The following IFT52 variants were observed in gnomAD, a reference collection of about 807,000 sequenced individuals.
The protein encoded by IFT52 is intraflagellar transport protein 52 homolog.
In IFT52, 44 loss-of-function variants were observed where a neutral mutation model predicts 54.4. The observed-to-expected ratio is 0.81, with a 90% CI of 0.63 to 1.04. The LOEUF (loss-of-function observed/expected upper bound fraction) is 1.04. Among genes scored for constraint, IFT52 ranks in the 50% least tolerant of loss-of-function variants. IFT52 has a pLI of 0.00. For missense variants in IFT52, 452 were observed against 523.6 expected (o/e 0.86, Z 1.33); for synonymous variants, 181 against 185.3 (o/e 0.98, Z 0.19).
intron 6 of IFT52, 35 bp downstream of exon 6, chr20:43,605,108 G>C (rs755681736): frequency 1.2e-6 from 2 of 1,607,038 alleles, no homozygotes; most frequent in Non-Finnish European, 1.7e-6. Flanking sequence ...TGAGGAAGAT[G>C]TATCATTTTG....
intron 10 of IFT52, among the ~76,000 whole-genome samples, chr20:43,627,715 G>C (rs1369809262): frequency 3.3e-5 from 5 of 152,052 alleles, no homozygotes; most frequent in Admixed American, 3.3e-4. Flanking sequence ...ATGGGAAAGG[G>C]GGTTTGGTAA....
intron 10 of IFT52, among the ~76,000 whole-genome samples, chr20:43,630,283 CCT>C (rs1042727784): frequency 5.3e-5 from 8 of 152,278 alleles, no homozygotes; most frequent in African/African-American, 1.9e-4. Context: ...CTAATTCTCC[CCT>C]GATATGTTTA....
chr20:43,623,830 G>A, intron 9 of IFT52, 61 bp from the exon 10 acceptor site: 1 of 1,546,362 alleles, frequency 6.5e-7, no homozygotes, highest in Non-Finnish European at 8.8e-7. Flanking sequence ...AGACAGTGGA[G>A]ACTTGACAGA....
intron 4 of IFT52, 59 bp from the exon 5 acceptor site, chr20:43,604,124 C>G (rs988566439): frequency 1.4e-6 from 2 of 1,385,134 alleles, no homozygotes; most frequent in African/African-American, 1.4e-5. Flanking sequence ...TGGTATGAGT[C>G]TATAATATCG....
intron 12 of IFT52, among the ~76,000 whole-genome samples, chr20:43,641,382 G>A (rs1016468854): frequency 1.3e-5 from 2 of 151,826 alleles, no homozygotes; most frequent in Non-Finnish European, 2.9e-5. Context: ...GGGATTATAG[G>A]CATGCACCAC....
rs139022002 is a variant in IFT52, at chr20:43,625,801, A to AGAG, written c.923+1760_923+1762dup. ...TCCTTGGCTTTCACTCTGGGTGAAA[A>AGAG]GAGGAGCCACTGAGAGTTCTGAGCA... On this transcript the variant is annotated intron_variant, in intron 10 of 13. Coordinates refer to ENST00000373030, the MANE Select transcript of IFT52 (RefSeq NM_016004.5). 3.5e-3 allele frequency among the ~76,000 whole-genome samples: 529 copies of AGAG among 152,126 alleles called. 18 individuals are homozygous for AGAG. The East Asian group carries it at 0.078, about 22-fold the overall frequency.
chr20:43,643,024 G>A (rs537605426), intron 13 of IFT52, among the ~76,000 whole-genome samples: 35 of 151,786 alleles, frequency 2.3e-4, no homozygotes, highest in Non-Finnish European at 3.4e-4. Flanking sequence ...AAAATTAGCC[G>A]GGCATCATGG....
intron 6 of IFT52, among the ~76,000 whole-genome samples, chr20:43,610,964 A>C (rs1015848983): frequency 5.9e-5 from 9 of 152,206 alleles, no homozygotes; most frequent in African/African-American, 2.2e-4. Flanking sequence ...AAATTGTTGG[A>C]AAATTTCAGT....
chr20:43,635,706 G>A (rs989157113), intron 10 of IFT52, among the ~76,000 whole-genome samples: 5 of 152,160 alleles, frequency 3.3e-5, no homozygotes, highest in African/African-American at 1.2e-4. Flanking sequence ...TTGCTATTGT[G>A]AATAGTGCTG....
At chr20:43,592,886 G>A (rs1284133787) in intron 1 of IFT52, among the ~76,000 whole-genome samples, 1 of 152,178 alleles carries the variant, frequency 6.6e-6, no homozygotes, top group Non-Finnish European at 1.5e-5. Context: ...GAGGTAGGAG[G>A]ATCACTTGAG....
At chr20:43,619,125 A>G (rs924439435) in intron 8 of IFT52, 99 bp downstream of exon 8, 2 of 823,790 alleles carry the variant, frequency 2.4e-6, no homozygotes, top group African/African-American at 3.4e-5. Context: ...AAAAGCAGCT[A>G]CTCAGAACCC....
intron 3 of IFT52, 32 bp from the exon 4 acceptor site, chr20:43,603,728 A>G (rs1481842393): frequency 1.9e-6 from 3 of 1,600,526 alleles, no homozygotes; most frequent in Middle Eastern, 1.7e-4. Context: ...TCTTTCAAGT[A>G]TATTCATAGA....
At chr20:43,605,596 G>T (rs914668808) in intron 6 of IFT52, among the ~76,000 whole-genome samples, 4 of 151,524 alleles carry the variant, frequency 2.6e-5, no homozygotes, top group African/African-American at 9.7e-5. Context: ...TTTTTTCCAT[G>T]TATAAAGTTA....
chr20:43,596,399 T>C, intron 2 of IFT52, 36 bp from the exon 3 acceptor site: 1 of 1,339,784 alleles, frequency 7.5e-7, no homozygotes, highest in Non-Finnish European at 1.1e-6. Context: ...GTTTAAATTA[T>C]GGACTTCATA....
At position 43,604,163 on chromosome 20, in the gene IFT52, C is replaced by G. The variant is rs1215436525; in HGVS notation, c.338-20C>G. The G allele has an allele frequency of 3.2e-6, 5 of 1,566,008 alleles. No individual in the cohort carries two copies. In the South Asian group the frequency reaches 4.4e-5, roughly 14 times the overall value. ...TTATTTCTAACCTAAAATATACCTCCTTCTCTTTTTCCCTCATAGATGCTG... is the reference window on the plus strand; with the variant it reads ...TTATTTCTAACCTAAAATATACCTCGTTCTCTTTTTCCCTCATAGATGCTG... On this transcript the variant is annotated intron_variant, in intron 4 of 13. Coordinates refer to ENST00000373030, the MANE Select transcript of IFT52 (RefSeq NM_016004.5).
intron 6 of IFT52, among the ~76,000 whole-genome samples, chr20:43,612,319 C>T (rs1983518669): frequency 6.6e-6 from 1 of 152,004 alleles, no homozygotes; most frequent in South Asian, 2.1e-4. Flanking sequence ...GAATGTGGGC[C>T]AAGTACCACT....
chr20:43,607,161 C>G (rs554439986), intron 6 of IFT52, among the ~76,000 whole-genome samples: 1 of 150,164 alleles, frequency 6.7e-6, no homozygotes, highest in Non-Finnish European at 1.5e-5. Context: ...TAGGGGCAGC[C>G]GGGCAGAGGC....
At position 43,606,823 on chromosome 20, in the gene IFT52, C is replaced by CA. The variant is rs200538917; in HGVS notation, c.485+1753dup. 1.4e-4 allele frequency among the ~76,000 whole-genome samples: 21 copies of CA among 152,282 alleles called. No individual in the cohort carries two copies. The East Asian group carries it at 3.7e-3, about 27-fold the overall frequency. ...ATGCTGCCTTCAGGCATCTGTTTGA[C>CA]AAAGCACATCTTGCACCGCCCTTAA... On this transcript the variant is annotated intron_variant, in intron 6 of 13. Transcript: ENST00000373030.
At chr20:43,609,775 CAAAAAAA>C (rs57268776) in intron 6 of IFT52, among the ~76,000 whole-genome samples, 11 of 47,190 alleles carry the variant, frequency 2.3e-4, no homozygotes, top group African/African-American at 8.6e-4. Context: ...AACTCCGTCT[CAAAAAAA>C]AAAAAAAAAA....
Sources: allele counts gnomAD v4.1 joint callset (sites outside exome capture counted in the v4.1 genomes callset), GRCh38; gene constraint gnomAD v4.1.1; transcripts MANE v1.5; gene names NCBI Gene and HGNC (gene_info 2026-07-23, HGNC 2026-07-21).